CDC42BPA: variants seen among roughly 807,000 people sequenced by gnomAD.
CDC42BPA encodes serine/threonine-protein kinase MRCK alpha.
Under a neutral mutation model 223.5 loss-of-function variants are expected in CDC42BPA, and 80 were observed. The ratio of observed to expected loss-of-function variants is 0.36; its 90% confidence interval spans 0.30 to 0.43. CDC42BPA has a LOEUF of 0.43. CDC42BPA is among the 20% of genes least tolerant of loss of function. CDC42BPA has a pLI of 1.00. For synonymous variants in CDC42BPA, 694 were observed against 718.6 expected (o/e 0.97, Z 0.55); for missense variants, 1,743 against 2,099.9 (o/e 0.83, Z 3.32).
At chr1:227,283,749 A>G (rs749923666) in intron 1 of CDC42BPA, among the ~76,000 whole-genome samples, 23 of 152,196 alleles carry the variant, frequency 1.5e-4, no homozygotes, top group Non-Finnish European at 2.9e-4. Context: ...AAATAAGCAT[A>G]TGTACCCTTG....
chr1:227,191,139 T>C (rs1185412767), intron 5 of CDC42BPA, among the ~76,000 whole-genome samples: 2 of 151,152 alleles, frequency 1.3e-5, no homozygotes, highest in Non-Finnish European at 3.0e-5. Flanking sequence ...AGGTAGGGAG[T>C]TCGAGACCAA....
chr1:227,162,250 C>T (rs1046331689), intron 5 of CDC42BPA, among the ~76,000 whole-genome samples: 1 of 151,506 alleles, frequency 6.6e-6, no homozygotes, highest in Non-Finnish European at 1.5e-5. Flanking sequence ...ATATTTTATT[C>T]ATAATACTAT....
chr1:227,162,998 GTGTA>G (rs1558649063), intron 5 of CDC42BPA, among the ~76,000 whole-genome samples: 3 of 49,220 alleles, frequency 6.1e-5, no homozygotes, highest in African/African-American at 2.1e-4. Context: ...TTCCAAACAT[GTGTA>G]TGTTTCCAAA....
intron 3 of CDC42BPA, among the ~76,000 whole-genome samples, chr1:227,206,556 C>G (rs1394270082): frequency 6.6e-6 from 1 of 152,106 alleles, no homozygotes; most frequent in Non-Finnish European, 1.5e-5. Flanking sequence ...TTTTGCTGCT[C>G]ATTTGTAATT....
chr1:227,153,134 A>T (rs1277821537), intron 6 of CDC42BPA, among the ~76,000 whole-genome samples: 1 of 152,030 alleles, frequency 6.6e-6, no homozygotes, highest in African/African-American at 2.4e-5. Context: ...AAAAACGAAT[A>T]AATAGATCAG....
chr1:227,185,968 G>T (rs942924302), intron 5 of CDC42BPA, among the ~76,000 whole-genome samples: 1 of 152,166 alleles, frequency 6.6e-6, no homozygotes, highest in Admixed American at 6.5e-5. Context: ...ACTCTTCTTA[G>T]ATATGTAAGA....
chr1:227,285,595 G>C (rs542921022), intron 1 of CDC42BPA, among the ~76,000 whole-genome samples: 2 of 152,156 alleles, frequency 1.3e-5, no homozygotes, highest in Non-Finnish European at 2.9e-5. Flanking sequence ...CTGATACTCT[G>C]CTTATCTTGA....
At chr1:227,246,336 C>T (rs1325538502) in intron 2 of CDC42BPA, among the ~76,000 whole-genome samples, 2 of 152,140 alleles carry the variant, frequency 1.3e-5, no homozygotes, top group South Asian at 2.1e-4. Context: ...TAACTAGAAT[C>T]GCAGGCTACC....
intron 9 of CDC42BPA, among the ~76,000 whole-genome samples, chr1:227,140,236 C>A (rs774986538): frequency 6.6e-6 from 1 of 151,902 alleles, no homozygotes; most frequent in African/African-American, 2.4e-5. Flanking sequence ...AATCCTTGCC[C>A]ATATAGAGCT....
intron 2 of CDC42BPA, among the ~76,000 whole-genome samples, chr1:227,241,103 A>C (rs149407969): frequency 1.2e-4 from 19 of 152,168 alleles, no homozygotes; most frequent in African/African-American, 4.6e-4. Context: ...GGCACACAAA[A>C]ACCCCATGAT....
At chr1:227,233,475 T>C (rs572366453) in intron 2 of CDC42BPA, among the ~76,000 whole-genome samples, 4 of 152,340 alleles carry the variant, frequency 2.6e-5, no homozygotes, top group East Asian at 1.9e-4. Context: ...CTTTAGGTTA[T>C]TGGCATAAAT....
intron 32 of CDC42BPA, among the ~76,000 whole-genome samples, chr1:227,020,899 T>A (rs1274656905): frequency 6.6e-6 from 1 of 152,182 alleles, no homozygotes; most frequent in African/African-American, 2.4e-5. Flanking sequence ...ACTCTTCAGT[T>A]GAACACTTAA....
rs764965724 is a variant in CDC42BPA at position 227,059,292 on chromosome 1, A to C, written c.2905-7307T>G. The C allele has an allele frequency of 1.4e-5, 16 of 1,130,782 alleles. 1 individual carries two copies. In the South Asian group the frequency reaches 1.7e-4, roughly 12 times the overall value. 70.0% of individuals were successfully genotyped at this position (1,130,782 alleles called of 1,614,324 possible). A position where few individuals can be genotyped will look rare whatever the true frequency, so the allele number is the denominator to read the frequency against. On this transcript the variant is annotated intron_variant, in intron 21 of 36. Coordinates refer to ENST00000366766, the MANE Select transcript of CDC42BPA (RefSeq NM_001394014.1). ...AATAATATACCACAAAAACATTAAC[A>C]GGTTCCGCAATCACAGGCAAAAGGA...
In CDC42BPA at chr1:227,230,812, CTTTCTTTCTTTTT is replaced by C. The variant is rs1351476368; in HGVS notation, c.271-17606_271-17594del. Among the ~76,000 whole-genome samples, 136 of 111,750 alleles carry C rather than the reference CTTTCTTTCTTTTT, an allele frequency of 1.2e-3. 3 individuals carry two copies. Among genetic ancestry groups the C allele is most frequent in the African/African-American group, 3.3e-3 (106 of 31,766 alleles). The allele number at this position is 111,750 out of a possible 152,430, so 73.3% of individuals were successfully genotyped here. A position where few individuals can be genotyped will look rare whatever the true frequency, so the allele number is the denominator to read the frequency against. ...GCTAACTGATTTCTATTTCTTTTTT[CTTTCTTTCTTTTT>C]TTTTTTTTTTTTTTGAGACAGAGTC... is the stretch of plus-strand genomic sequence containing the variant. On this transcript the variant is annotated intron_variant, in intron 2 of 36. Coordinates refer to ENST00000366766, the MANE Select transcript of CDC42BPA (RefSeq NM_001394014.1).
At chr1:227,013,626 G>C (rs1056023313) in intron 34 of CDC42BPA, among the ~76,000 whole-genome samples, 1 of 151,998 alleles carries the variant, frequency 6.6e-6, no homozygotes, top group African/African-American at 2.4e-5. Context: ...TAGTATGCGG[G>C]CTAGAATAGA....
At chr1:227,056,457 G>A (rs760705174) in intron 21 of CDC42BPA, among the ~76,000 whole-genome samples, 1 of 151,468 alleles carries the variant, frequency 6.6e-6, no homozygotes, top group Non-Finnish European at 1.5e-5. Context: ...GCACAATCAC[G>A]GGTCACTACA....
At chr1:227,004,866 G>T (rs1663661340) in intron 35 of CDC42BPA, 128 bp downstream of exon 35, 2 of 791,178 alleles carry the variant, frequency 2.5e-6, no homozygotes, top group South Asian at 2.7e-5. Flanking sequence ...CAGGGTCTGA[G>T]ACACTGCAGC....
chr1:227,246,612 T>C (rs1391246760), intron 2 of CDC42BPA, among the ~76,000 whole-genome samples: 1 of 152,058 alleles, frequency 6.6e-6, no homozygotes, highest in Non-Finnish European at 1.5e-5. Flanking sequence ...TTGGATCTTA[T>C]CCAAGACCAC....
intron 35 of CDC42BPA, among the ~76,000 whole-genome samples, chr1:227,000,274 T>G (rs1055168721): frequency 2.6e-5 from 4 of 152,162 alleles, no homozygotes; most frequent in African/African-American, 9.7e-5. Flanking sequence ...TGTTGACATA[T>G]TTCTTGGGAA....
Sources: gnomAD v4.1 joint callset for allele counts (sites outside exome capture counted in the v4.1 genomes callset) on GRCh38, gnomAD v4.1.1 for gene constraint, MANE v1.5 for transcripts, NCBI Gene and HGNC (gene_info 2026-07-23, HGNC 2026-07-21) for gene names.